The following CDK5RAP2 variants were observed in gnomAD, a reference collection of about 807,000 sequenced individuals.
CDK5RAP2 encodes CDK5 regulatory subunit-associated protein 2.
In CDK5RAP2, 147 loss-of-function variants were observed where a neutral mutation model predicts 232.9. The ratio of observed to expected loss-of-function variants is 0.63; its 90% CI spans 0.55 to 0.72. The LOEUF is 0.72. Among genes scored for constraint, CDK5RAP2 ranks in the 30% least tolerant of loss-of-function variants. The pLI is 0.00. For missense variants in CDK5RAP2, 2,195 were observed against 2,231.5 expected, an observed-to-expected ratio of 0.98 and a Z score of 0.33; for synonymous variants, 833 against 833.7, an observed-to-expected ratio of 1.00 and a Z score of 0.01.
chr9:120,414,912 A>C, intron 28 of CDK5RAP2, 128 bp downstream of exon 28: 3 of 1,118,504 alleles, frequency 2.7e-6, no homozygotes, highest in Non-Finnish European at 4.0e-6. Context: ...AGGCTGGCAG[A>C]CTTCTCCAAG....
At chr9:120,430,288 G>A (rs1488243692) in intron 25 of CDK5RAP2, among the ~76,000 whole-genome samples, 1 of 152,154 alleles carries the variant, frequency 6.6e-6, no homozygotes, top group Non-Finnish European at 1.5e-5. Context: ...AAGAGCTTCT[G>A]CACAGCTAAA....
intron 14 of CDK5RAP2, among the ~76,000 whole-genome samples, chr9:120,481,036 T>A (rs761610021): frequency 2.0e-5 from 3 of 152,186 alleles, no homozygotes; most frequent in Non-Finnish European, 4.4e-5. Context: ...AAAGAGGACA[T>A]GAAAACCAAG....
chr9:120,419,184 C>T (rs2034418253), intron 27 of CDK5RAP2, among the ~76,000 whole-genome samples: 1 of 152,222 alleles, frequency 6.6e-6, no homozygotes, highest in South Asian at 2.1e-4. Context: ...CCTCACCATG[C>T]TGGCTCTACC....
At chr9:120,416,605 A>G (rs1349696174) in intron 27 of CDK5RAP2, among the ~76,000 whole-genome samples, 1 of 152,192 alleles carries the variant, frequency 6.6e-6, no homozygotes, top group East Asian at 1.9e-4. Context: ...AACATTTTAA[A>G]TTTTCCAAAA....
At chr9:120,571,676 A>G (rs1288218328) in intron 2 of CDK5RAP2, 6 of 394,312 alleles carry the variant, frequency 1.5e-5, no homozygotes, top group Non-Finnish European at 2.9e-5. Context: ...CTGCCAATTC[A>G]ATGTCCAGCC....
chr9:120,505,572 T>C (rs745954862), intron 12 of CDK5RAP2, among the ~76,000 whole-genome samples: 5 of 152,186 alleles, frequency 3.3e-5, no homozygotes, highest in East Asian at 3.9e-4. Context: ...CAAAAGTCAA[T>C]AGAGCCAAAA....
At chr9:120,505,780 C>T (rs1588509460) in intron 12 of CDK5RAP2, among the ~76,000 whole-genome samples, 1 of 152,298 alleles carries the variant, frequency 6.6e-6, no homozygotes, top group East Asian at 1.9e-4. Flanking sequence ...AGAGCAAAGC[C>T]TTAACTCTCT....
chr9:120,550,460 G>C (rs1224314159), intron 4 of CDK5RAP2, among the ~76,000 whole-genome samples: 1 of 152,142 alleles, frequency 6.6e-6, no homozygotes, highest in Admixed American at 6.5e-5. Flanking sequence ...CAAGTTACCT[G>C]GTAACAGTAG....
In CDK5RAP2 at chr9:120,533,556, T is replaced by G. The variant is rs150535934; in HGVS notation, c.662+2816A>C. Among the ~76,000 whole-genome samples the G allele has an allele frequency of 3.3e-5, 5 of 151,564 alleles. No individual in the cohort carries two copies. In the East Asian group the frequency reaches 9.8e-4, roughly 30 times the overall value. Reference sequence around the variant, plus strand: ...GGCTCATGTCTGTAATCCCAGCACTTTGAGAGGCCGGCAAATCACCTGAGG... The same window carrying G: ...GGCTCATGTCTGTAATCCCAGCACTGTGAGAGGCCGGCAAATCACCTGAGG... On this transcript the variant is annotated intron_variant, in intron 7 of 37. Transcript: ENST00000349780.
At position 120,434,378 on chromosome 9, in the gene CDK5RAP2, G is replaced by A. The variant is rs547849856; in HGVS notation, c.3955+2917C>T. ...AGAAGTAAGGAGAGAGTGCAGCCAGGGCGATGGTACAGGGCTTTGCAGGCC... is the reference window on the plus strand; with the variant it reads ...AGAAGTAAGGAGAGAGTGCAGCCAGAGCGATGGTACAGGGCTTTGCAGGCC... On this transcript the variant is annotated intron_variant, in intron 25 of 37. Transcript: ENST00000349780. Among the ~76,000 whole-genome samples, 3 of 152,282 alleles carry A rather than the reference G, an allele frequency of 2.0e-5. No individual in the cohort carries two copies. The South Asian group carries it at 6.2e-4, about 32-fold the overall frequency.
chr9:120,578,414 C>G (rs1284944448), intron 1 of CDK5RAP2, among the ~76,000 whole-genome samples: 2 of 152,126 alleles, frequency 1.3e-5, no homozygotes, highest in African/African-American at 4.8e-5. Context: ...TGAAATATCA[C>G]AGGACCCAAT....
chr9:120,427,711 T>A (rs970635787), intron 25 of CDK5RAP2, among the ~76,000 whole-genome samples: 3 of 152,032 alleles, frequency 2.0e-5, no homozygotes, highest in Admixed American at 6.6e-5. Context: ...GGAGTAGAAG[T>A]CTTACAGAAA....
In CDK5RAP2 at chr9:120,477,418, C is replaced by T. The variant is rs1370728099; in HGVS notation, c.1659G>A (p.Leu553=). Residue 553 remains leucine (L), a synonymous_variant, in exon 15 of 38, where the codon CTG becomes CTA. Transcript: ENST00000349780. ...EKKQSSDYEE[L]IQVLKKEQDI... ...CCTGCTCTTTCTTTAAGACCTGAAT[C>T]AGCTCTTCATAGTCTGATGATTGTT... 1 of 1,613,730 alleles carries T rather than the reference C, an allele frequency of 6.2e-7. No individual in the cohort carries two copies. The highest frequency in any genetic ancestry group is 2.2e-5 in the East Asian group (1 of 44,900).
At chr9:120,500,589 CTCCTTGTGCAAATTG>C (rs772168490) in intron 12 of CDK5RAP2, among the ~76,000 whole-genome samples, 3 of 152,210 alleles carry the variant, frequency 2.0e-5, no homozygotes, top group Non-Finnish European at 4.4e-5. Context: ...GTTTGAATTT[CTCCTTGTGCAAATTG>C]TCCTTGTGGG....
In CDK5RAP2 at chr9:120,516,315, G is replaced by A. The variant is rs556621258; in HGVS notation, c.1311+2112C>T. On this transcript the variant is annotated intron_variant, in intron 12 of 37. Transcript: ENST00000349780. ...CTCACTGATAGGTGGGAATTGAATA[G>A]CGAGAACACATGGACACAGGAAGGG... 2.3e-4 allele frequency among the ~76,000 whole-genome samples: 33 copies of A among 140,970 alleles called. 1 individual carries two copies. Among genetic ancestry groups the A allele is most frequent in the African/African-American group, 7.7e-4 (29 of 37,830 alleles). The allele number at this position is 140,970 out of a possible 152,430, so 92.5% of individuals were successfully genotyped here.
At chr9:120,414,962 C>T (rs1588273160) in intron 28 of CDK5RAP2, 78 bp downstream of exon 28, 1 of 1,541,850 alleles carries the variant, frequency 6.5e-7, no homozygotes. Flanking sequence ...GCTTTGTACA[C>T]AGATGCTTAC....
At chr9:120,410,728 A>G (rs1352542533) in intron 29 of CDK5RAP2, among the ~76,000 whole-genome samples, 2 of 152,234 alleles carry the variant, frequency 1.3e-5, no homozygotes, top group Admixed American at 1.3e-4. Flanking sequence ...AAAGTGGGAT[A>G]AGCTGGCCCA....
intron 9 of CDK5RAP2, among the ~76,000 whole-genome samples, chr9:120,528,140 T>C (rs2040989734): frequency 6.6e-6 from 1 of 152,180 alleles, no homozygotes. Flanking sequence ...GGGAAGGGGA[T>C]CAAATCAGTT....
At chr9:120,508,485 T>TAACAA (rs2039934214) in intron 12 of CDK5RAP2, among the ~76,000 whole-genome samples, 1 of 152,244 alleles carries the variant, frequency 6.6e-6, no homozygotes, top group South Asian at 2.1e-4. Flanking sequence ...CATACAGAAC[T>TAACAA]AACAAACATG....
Sources: gnomAD v4.1 joint callset for allele counts (sites outside exome capture counted in the v4.1 genomes callset) on GRCh38, gnomAD v4.1.1 for gene constraint, MANE v1.5 for transcripts, NCBI Gene and HGNC (gene_info 2026-07-23, HGNC 2026-07-21) for gene names.